The following TICRR variants were observed in gnomAD, a reference collection of about 807,000 sequenced individuals.
The protein encoded by TICRR is treslin.
In TICRR, 132 loss-of-function variants were observed where a neutral mutation model predicts 178.1. That is an observed-to-expected ratio of 0.74 (90% CI 0.64 to 0.86). TICRR has a LOEUF of 0.86. Among genes scored for constraint, TICRR ranks in the 40% least tolerant of loss-of-function variants. The pLI, the probability that TICRR is intolerant of heterozygous loss-of-function variation, is 0.00. For synonymous variants in TICRR, 991 were observed against 900.7 expected (o/e 1.10, Z -1.79); for missense variants, 2,587 against 2,334.3 (o/e 1.11, Z -2.23).
Position 89,626,077 on chromosome 15 carries a change from G to A in TICRR, c.5602+16G>A. ...GACCCCAGAGGTAATGTTTGTTGAAGGTCTAGGACCCTTTCCTGTGACAGA... is the reference window on the plus strand; with the variant it reads ...GACCCCAGAGGTAATGTTTGTTGAAAGTCTAGGACCCTTTCCTGTGACAGA... On this transcript the variant is annotated intron_variant, in intron 21 of 21. Coordinates refer to ENST00000268138, the MANE Select transcript of TICRR (RefSeq NM_152259.4). 6.2e-7 allele frequency: 1 copy of A among 1,611,400 alleles called. No individual in the cohort carries two copies. Among genetic ancestry groups the A allele is most frequent in the East Asian group, 2.2e-5 (1 of 44,818 alleles).
At position 89,601,407 on chromosome 15, in the gene TICRR, C is replaced by T. The variant is rs775390905; in HGVS notation, c.2247+16C>T. ...AGTGGAGGAGGCAAGTATATAGTTT[C>T]GTGCCATTGAAATACGCCCTAGATG... On this transcript the variant is annotated intron_variant, in intron 10 of 21. Transcript: ENST00000268138. The T allele has an allele frequency of 7.4e-6, 12 of 1,613,230 alleles. No individual in the cohort carries two copies. In the East Asian group the frequency reaches 1.6e-4, roughly 21 times the overall value.
intron 1 of TICRR, 68 bp downstream of exon 1, chr15:89,576,308 C>G: frequency 7.0e-7 from 1 of 1,423,234 alleles, no homozygotes. Flanking sequence ...AACTTGGCAG[C>G]GTCCTTAGAA....
rs1334275387 is a variant in TICRR, at chr15:89,602,973, T to C, written c.2664+81T>C. 7.0e-6 allele frequency: 4 copies of C among 574,340 alleles called. No individual in the cohort carries two copies. The Admixed American group carries it at 1.7e-4, about 24-fold the overall frequency. 35.6% of individuals were successfully genotyped at this position (574,340 alleles called of 1,614,324 possible). A position where few individuals can be genotyped will look rare whatever the true frequency, so the allele number is the denominator to read the frequency against. ...TCCCTACTTTTAGGAAAATGAACTTTGGAGGATACAGAAATAATATTAAAT... is the reference window on the plus strand; with the variant it reads ...TCCCTACTTTTAGGAAAATGAACTTCGGAGGATACAGAAATAATATTAAAT... On this transcript the variant is annotated intron_variant, in intron 13 of 21. Transcript: ENST00000268138.
Position 89,601,858 on chromosome 15 carries a change from G to C in TICRR, c.2449G>C (p.Glu817Gln). The C allele has an allele frequency of 1.2e-6, 2 of 1,614,126 alleles. No homozygotes were observed. Among genetic ancestry groups the C allele is most frequent in the Non-Finnish European group, 1.7e-6 (2 of 1,180,022 alleles). Reference sequence around the variant, plus strand: ...TTTCAGTGATGACTCCATGACACAAGAGAACAAATCACCACTTCTTTCTGT... The same window carrying C: ...TTTCAGTGATGACTCCATGACACAACAGAACAAATCACCACTTCTTTCTGT... Reference protein sequence around the residue: ...DFFSDDSMTQENKSPLLSVPF... With the variant: ...DFFSDDSMTQQNKSPLLSVPF... Residue 817 changes from glutamate (E) to glutamine (Q), a missense_variant, in exon 12 of 22, where the codon GAG (glutamate) becomes CAG (glutamine). Coordinates refer to ENST00000268138, the MANE Select transcript of TICRR (RefSeq NM_152259.4).
rs747468975 is a variant in TICRR, at chr15:89,625,169, C to T, written c.4859C>T (p.Thr1620Ile). The T allele has an allele frequency of 6.2e-7, 1 of 1,613,712 alleles. No individual in the cohort carries two copies. Among genetic ancestry groups the T allele is most frequent in the Non-Finnish European group, 8.5e-7 (1 of 1,179,908 alleles). The change falls in exon 20 of 22, where the codon ACC becomes ATC. Residue 1620 changes from threonine to isoleucine, a missense_variant. Coordinates refer to ENST00000268138, the MANE Select transcript of TICRR (RefSeq NM_152259.4). ...ASRSLSKPEP[T>I]YVSPPCPRLS... Reference sequence around the variant, plus strand: ...AGGTCCTTAAGCAAACCTGAACCCACCTATGTGTCACCCCCCTGCCCCCGC... The same window carrying T: ...AGGTCCTTAAGCAAACCTGAACCCATCTATGTGTCACCCCCCTGCCCCCGC...
chr15:89,625,462 T>G lies in TICRR; in HGVS notation c.5152T>G (p.Ser1718Ala), dbSNP rs1866928. 1.2e-6 allele frequency: 2 copies of G among 1,613,442 alleles called. No homozygotes were observed. Among genetic ancestry groups the G allele is most frequent in the Admixed American group, 3.3e-5 (2 of 59,994 alleles). ...TCCTGGGAGCCTGTCACTGCTTGAG[T>G]CAGAGGGCAAGGACCACGGCCTTGA... The part of the protein sequence containing the change: ...DLPGSLSLLE[S>A]EGKDHGLELS... Residue 1718 changes from serine to alanine, a missense_variant, in exon 20 of 22, where the codon TCA becomes GCA. Coordinates refer to ENST00000268138, the MANE Select transcript of TICRR (RefSeq NM_152259.4).
chr15:89,606,708 A>C lies in TICRR; in HGVS notation c.2665-60A>C, dbSNP rs1320499890. ...GTCAAAGAGTTCATGTGAAATCTTTATTCTTTTATTTCAATGAATGCCTAT... is the reference window on the plus strand; with the variant it reads ...GTCAAAGAGTTCATGTGAAATCTTTCTTCTTTTATTTCAATGAATGCCTAT... On this transcript the variant is annotated intron_variant, in intron 13 of 21. Coordinates refer to ENST00000268138, the MANE Select transcript of TICRR (RefSeq NM_152259.4). 32 of 1,355,944 alleles carry C rather than the reference A, an allele frequency of 2.4e-5. No individual in the cohort carries two copies. In the Middle Eastern group the frequency reaches 1.2e-3, roughly 53 times the overall value. The allele number at this position is 1,355,944 out of a possible 1,614,324, so 84.0% of individuals were successfully genotyped here.
chr15:89,592,257 A>G, intron 5 of TICRR, 81 bp downstream of exon 5: 1 of 1,214,964 alleles, frequency 8.2e-7, no homozygotes, highest in Non-Finnish European at 1.2e-6. Context: ...AACAGACCAC[A>G]TTCTCTGAGT....
chr15:89,606,795 C>A lies in TICRR; in HGVS notation c.2692C>A (p.Pro898Thr), dbSNP rs762087988. Residue 898 changes from proline to threonine, a missense_variant, in exon 14 of 22, where the codon CCT becomes ACT. Pro to Thr is a conservative substitution (Grantham distance 38). Coordinates refer to ENST00000268138, the MANE Select transcript of TICRR (RefSeq NM_152259.4). ...KENSHPAPQQPSQPVKDTVQE... is the reference protein window; with the variant it reads ...KENSHPAPQQTSQPVKDTVQE... ...GAACTCTCACCCTGCTCCTCAGCAG[C>A]CTTCCCAGCCAGTGAAAGATACAGT... is the stretch of plus-strand genomic sequence containing the variant. 6 of 1,613,844 alleles carry A rather than the reference C, an allele frequency of 3.7e-6. No homozygotes were observed. The East Asian group carries it at 1.3e-4, about 36-fold the overall frequency.
intron 1 of TICRR, among the ~76,000 whole-genome samples, chr15:89,577,210 CGTT>C (rs1962638983): frequency 6.6e-6 from 1 of 152,056 alleles, no homozygotes; most frequent in Non-Finnish European, 1.5e-5. Flanking sequence ...GTGTATTAAA[CGTT>C]GTAGGTGTTC....
chr15:89,600,195 C>T (rs935611236), intron 8 of TICRR, among the ~76,000 whole-genome samples: 2 of 152,180 alleles, frequency 1.3e-5, no homozygotes, highest in Admixed American at 1.3e-4. Context: ...CTGGATAATC[C>T]TTTTGCACTG....
chr15:89,601,505 G>T lies in TICRR; in HGVS notation c.2264G>T (p.Arg755Leu). 6.2e-7 allele frequency: 1 copy of T among 1,614,172 alleles called. No individual in the cohort carries two copies. Among genetic ancestry groups the T allele is most frequent in the South Asian group, 1.1e-5 (1 of 91,088 alleles). ...CTCCTTCAGGTGACAGATTTGCTGC[G>T]CATGGTGTGTTTAACTGAGGATTCA... is the stretch of plus-strand genomic sequence containing the variant. ...QVVEEVTDLL[R>L]MVCLTEDSAY... Residue 755 changes from arginine to leucine, a missense_variant, in exon 11 of 22, where the codon CGC becomes CTC. Physicochemically the swap from Arg to Leu is moderately radical, Grantham distance 102. Coordinates refer to ENST00000268138, the MANE Select transcript of TICRR (RefSeq NM_152259.4).
chr15:89,585,144 C>T (rs987291044), intron 3 of TICRR, among the ~76,000 whole-genome samples: 2 of 152,148 alleles, frequency 1.3e-5, no homozygotes, highest in African/African-American at 2.4e-5. Context: ...GTAAAATATT[C>T]TAGAGAAAAA....
intron 15 of TICRR, 117 bp downstream of exon 15, chr15:89,609,066 T>C: frequency 1.2e-6 from 1 of 860,694 alleles, no homozygotes; most frequent in Non-Finnish European, 1.7e-6. Context: ...CTTTTTTCCT[T>C]CAGTCTAGCT....
chr15:89,601,263 A>G (rs1255481355), intron 9 of TICRR, 35 bp from the exon 10 acceptor site: 1 of 1,594,380 alleles, frequency 6.3e-7, no homozygotes, highest in African/African-American at 1.3e-5. Context: ...AGTGACATCC[A>G]AAGTAGATAT....
chr15:89,577,347 A>T (rs1962642018), intron 1 of TICRR, among the ~76,000 whole-genome samples: 1 of 152,142 alleles, frequency 6.6e-6, no homozygotes, highest in Non-Finnish European at 1.5e-5. Context: ...AAGTGCTAGG[A>T]TAAGTATATA....
At chr15:89,607,954 A>T (rs1300023692) in intron 14 of TICRR, among the ~76,000 whole-genome samples, 5 of 152,194 alleles carry the variant, frequency 3.3e-5, no homozygotes, top group Non-Finnish European at 7.4e-5. Context: ...GCAGCTTAGT[A>T]AAGTAGTCAG....
chr15:89,601,660 C>T (rs1463300100), intron 11 of TICRR, 77 bp from the exon 12 acceptor site: 4 of 1,610,714 alleles, frequency 2.5e-6, no homozygotes, highest in Admixed American at 1.7e-5. Flanking sequence ...GTAAGGACTA[C>T]TTTTTAGGCT....
In TICRR at chr15:89,576,801, GTGTGTGTGTA is replaced by G. The variant is rs199881691; in HGVS notation, c.654+571_654+580del. ...GCAGGTTTTAACACAATACCCAGGG[GTGTGTGTGTA>G]TGTGTGTGTGTATATATATATATAT... On this transcript the variant is annotated intron_variant, in intron 1 of 21. Transcript: ENST00000268138. Among the ~76,000 whole-genome samples the G allele has an allele frequency of 5.6e-4, 20 of 35,698 alleles. 1 individual carries two copies. The highest frequency in any genetic ancestry group is 9.9e-4 in the African/African-American group (17 of 17,158). The allele number at this position is 35,698 out of a possible 152,430, so 23.4% of individuals were successfully genotyped here. A position where few individuals can be genotyped will look rare whatever the true frequency, so the allele number is the denominator to read the frequency against.
Sources: gnomAD v4.1 joint callset for allele counts (sites outside exome capture counted in the v4.1 genomes callset) on GRCh38, gnomAD v4.1.1 for gene constraint, MANE v1.5 for transcripts, NCBI Gene and HGNC (gene_info 2026-07-23, HGNC 2026-07-21) for gene names.